The following EDEM2 variants were observed in gnomAD, a reference collection of about 807,000 sequenced individuals.
EDEM2 encodes ER degradation enhancing alpha-mannosidase like protein 2, also known as ER degradation-enhancing alpha-mannosidase-like protein 2.
Under a neutral mutation model 64.8 loss-of-function variants are expected in EDEM2, and 39 were observed. The ratio of observed to expected loss-of-function variants is 0.60; its 90% CI spans 0.47 to 0.79. The LOEUF is 0.79. Among genes scored for constraint, EDEM2 ranks in the 30% least tolerant of loss-of-function variants. The probability of loss-of-function intolerance (pLI) is 0.00; values close to 1 mark genes in which losing one functional copy is unlikely to be tolerated. For synonymous variants in EDEM2, 296 were observed against 291.5 expected, an observed-to-expected ratio of 1.02 and a Z score of -0.16; for missense variants, 609 against 731.3, an observed-to-expected ratio of 0.83 and a Z score of 1.93.
Position 35,124,033 on chromosome 20 carries a change from C to T in EDEM2, c.971G>A (p.Ser324Asn). 1 of 1,610,776 alleles carries T rather than the reference C, an allele frequency of 6.2e-7. No homozygotes were observed. The highest frequency in any genetic ancestry group is 8.5e-7 in the Non-Finnish European group (1 of 1,177,314). The change falls in exon 9 of 11, where the codon AGC (serine) becomes AAC (asparagine). Residue 324 changes from serine to asparagine, a missense_variant and splice_region_variant. Coordinates refer to ENST00000374492, the MANE Select transcript of EDEM2 (RefSeq NM_018217.3). Reference protein sequence around the residue: ...SLEAYWPGLQSLIGDIDNAMR... With the variant: ...SLEAYWPGLQNLIGDIDNAMR... ...GGCATTGTCAATGTCTCCAATGAGG[C>T]TCTGTGGGAGAAAGTGGCTGTCAGG...
At chr20:35,143,288 G>A (rs779999055) in intron 3 of EDEM2, among the ~76,000 whole-genome samples, 2 of 152,172 alleles carry the variant, frequency 1.3e-5, no homozygotes, top group African/African-American at 4.8e-5. Flanking sequence ...CTTCTGGGAA[G>A]GCTTCTGTTT....
At chr20:35,146,275 A>G (rs956013711) in intron 2 of EDEM2, among the ~76,000 whole-genome samples, 2 of 152,160 alleles carry the variant, frequency 1.3e-5, no homozygotes, top group Non-Finnish European at 2.9e-5. Flanking sequence ...TTTGAGTTTA[A>G]TTTCTCCCGA....
chr20:35,129,858 T>C (rs150461760), intron 7 of EDEM2, among the ~76,000 whole-genome samples: 159 of 152,306 alleles, frequency 1.0e-3, no homozygotes, highest in African/African-American at 3.7e-3. Context: ...TGTACAGGTT[T>C]GTAGCCTAGG....
At chr20:35,122,334 C>T (rs762205097) in intron 9 of EDEM2, among the ~76,000 whole-genome samples, 9 of 152,158 alleles carry the variant, frequency 5.9e-5, no homozygotes, top group Non-Finnish European at 7.3e-5. Flanking sequence ...TTGGTAACAC[C>T]AGATACGATA....
chr20:35,138,013 T>C lies in EDEM2; in HGVS notation c.365-8A>G, dbSNP rs553008920. 1 of 1,613,614 alleles carries C rather than the reference T, an allele frequency of 6.2e-7. No homozygotes were observed. Among genetic ancestry groups the C allele is most frequent in the African/African-American group, 1.3e-5 (1 of 75,000 alleles). On this transcript the variant is annotated splice_region_variant and splice_polypyrimidine_tract_variant and intron_variant, in intron 4 of 10. Coordinates refer to ENST00000374492, the MANE Select transcript of EDEM2 (RefSeq NM_018217.3). Reference sequence around the variant, plus strand: ...ACAGGAGTCCTCCTACCACTACAGATGGCACAGAAAGCAAATGGCACAGTC... The same window carrying C: ...ACAGGAGTCCTCCTACCACTACAGACGGCACAGAAAGCAAATGGCACAGTC...
intron 9 of EDEM2, among the ~76,000 whole-genome samples, chr20:35,122,383 AT>A (rs1439307983): frequency 6.6e-6 from 1 of 151,908 alleles, no homozygotes; most frequent in Non-Finnish European, 1.5e-5. Flanking sequence ...TTACTTATTT[AT>A]TTTTTTGAGA....
intron 2 of EDEM2, among the ~76,000 whole-genome samples, chr20:35,146,097 T>A (rs1424868420): frequency 6.6e-6 from 1 of 151,814 alleles, no homozygotes; most frequent in Admixed American, 6.6e-5. Context: ...CACACATCTA[T>A]ATATATAATG....
chr20:35,143,295 GTTTTCTTAA>G (rs1190925293), intron 3 of EDEM2, among the ~76,000 whole-genome samples: 1 of 152,182 alleles, frequency 6.6e-6, no homozygotes, highest in Non-Finnish European at 1.5e-5. Flanking sequence ...GAAGGCTTCT[GTTTTCTTAA>G]TACCAAGGGA....
chr20:35,125,855 C>G (rs1402823779), intron 8 of EDEM2, among the ~76,000 whole-genome samples: 2 of 152,158 alleles, frequency 1.3e-5, no homozygotes, highest in African/African-American at 4.8e-5. Context: ...AGCTGCAACT[C>G]TACCAGACCA....
At chr20:35,120,866 G>A (rs952722078) in intron 9 of EDEM2, among the ~76,000 whole-genome samples, 3 of 152,060 alleles carry the variant, frequency 2.0e-5, no homozygotes, top group Admixed American at 6.5e-5. Flanking sequence ...CAAAGTGCTG[G>A]GATTACAGGC....
At chr20:35,143,501 C>A (rs775278396) in intron 3 of EDEM2, among the ~76,000 whole-genome samples, 6 of 152,186 alleles carry the variant, frequency 3.9e-5, no homozygotes, top group Non-Finnish European at 5.9e-5. Context: ...GCGTAGCTGA[C>A]CCAATGCTAG....
chr20:35,138,072 C>T, intron 4 of EDEM2, 67 bp from the exon 5 acceptor site: 2 of 1,584,052 alleles, frequency 1.3e-6, no homozygotes, highest in South Asian at 1.2e-5. Flanking sequence ...AGGATCTTTC[C>T]CCTGTGCGAG....
chr20:35,142,308 T>A, intron 4 of EDEM2, 65 bp downstream of exon 4: 1 of 1,324,708 alleles, frequency 7.5e-7, no homozygotes, highest in African/African-American at 1.5e-5. Context: ...ATTTACCACT[T>A]CTTGGTTTAC....
chr20:35,139,069 G>A (rs1439035448), intron 4 of EDEM2, among the ~76,000 whole-genome samples: 1 of 152,132 alleles, frequency 6.6e-6, no homozygotes, highest in Non-Finnish European at 1.5e-5. Flanking sequence ...AGGTCCCTAT[G>A]CAGGCCAGGC....
chr20:35,138,713 G>A (rs2085612247), intron 4 of EDEM2, among the ~76,000 whole-genome samples: 1 of 151,578 alleles, frequency 6.6e-6, no homozygotes, highest in Non-Finnish European at 1.5e-5. Context: ...CCGAGTAGCT[G>A]GGACTACAGG....
chr20:35,142,398 G>A lies in EDEM2; in HGVS notation c.339C>T (p.Ala113=). Residue 113 remains alanine, a synonymous_variant, in exon 4 of 11, where the codon GCC becomes GCT. Coordinates refer to ENST00000374492, the MANE Select transcript of EDEM2 (RefSeq NM_018217.3). ...DSVDFDIDVN[A]SVFETNIRVV... is the part of the protein sequence containing the mutation. ...CTCGAATGTTTGTTTCAAACACAGA[G>A]GCGTTCACATCAATATCAAAGTCCA... The A allele has an allele frequency of 6.2e-7, 1 of 1,613,924 alleles. No individual in the cohort carries two copies. Among genetic ancestry groups the A allele is most frequent in the East Asian group, 2.2e-5 (1 of 44,884 alleles).
Position 35,115,564 on chromosome 20 carries a change from A to T in EDEM2, c.1606T>A (p.Ser536Thr), listed in dbSNP as rs753097290. ...CTTGCCTGGTCATGGTTTTCTGGTG[A>T]GAAGAGTGTTCCTGGCCTTGCTGGA... ...EPPARPGTLF[S>T]PENHDQARER... is the part of the protein sequence containing the mutation. Residue 536 changes from serine (S) to threonine (T), a missense_variant, in exon 11 of 11, where the codon TCA (serine) becomes ACA (threonine). By Grantham distance (58) the Ser-to-Thr change is moderately conservative. Transcript: ENST00000374492. 21 of 1,613,950 alleles carry T rather than the reference A, an allele frequency of 1.3e-5. No homozygotes were observed. The highest frequency in any genetic ancestry group is 1.6e-4 in the Middle Eastern group (1 of 6,084).
intron 6 of EDEM2, 95 bp downstream of exon 6, chr20:35,134,643 A>C (rs2085549710): frequency 7.1e-7 from 1 of 1,403,156 alleles, no homozygotes; most frequent in Non-Finnish European, 9.8e-7. Flanking sequence ...TCCCAAGGTC[A>C]CCCTAAGTTT....
intron 7 of EDEM2, 55 bp from the exon 8 acceptor site, chr20:35,126,430 C>T: frequency 1.1e-5 from 17 of 1,597,586 alleles, no homozygotes; most frequent in Non-Finnish European, 1.5e-5. Context: ...AGAAAAAAGG[C>T]AGGCCTGGAC....
Sources: allele counts gnomAD v4.1 joint callset (sites outside exome capture counted in the v4.1 genomes callset), GRCh38; gene constraint gnomAD v4.1.1; transcripts MANE v1.5; gene names NCBI Gene and HGNC (gene_info 2026-07-23, HGNC 2026-07-21).